Variants in ABI3BP observed in about 807,000 individuals in gnomAD.
ABI3BP encodes target of Nesh-SH3.
In ABI3BP, 216 loss-of-function variants were observed where a neutral mutation model predicts 268.6. The observed-to-expected ratio is 0.80, with a 90% CI of 0.72 to 0.90. The LOEUF is 0.90. Ranked by LOEUF, ABI3BP falls within the 40% of genes least tolerant of loss-of-function variation. The pLI is 0.00. For missense variants in ABI3BP, 2,090 were observed against 2,182.4 expected, an observed-to-expected ratio of 0.96 and a Z score of 0.84; for synonymous variants, 730 against 730.0, an observed-to-expected ratio of 1.00 and a Z score of 0.00.
chr3:100,856,697 G>A (rs2098943832), intron 14 of ABI3BP, among the ~76,000 whole-genome samples: 1 of 152,082 alleles, frequency 6.6e-6, no homozygotes, highest in Non-Finnish European at 1.5e-5. Context: ...GTCTTTTAAG[G>A]TTACAATTAA....
chr3:100,938,941 G>GTGTGCATGCACATGTGCC (rs1320943327), intron 1 of ABI3BP, among the ~76,000 whole-genome samples: 1 of 152,106 alleles, frequency 6.6e-6, no homozygotes, highest in Non-Finnish European at 1.5e-5. Context: ...GGGCATGTGT[G>GTGTGCATGCACATGTGCC]TGTGCATGCA....
chr3:100,805,904 A>G (rs1018966163), intron 50 of ABI3BP, among the ~76,000 whole-genome samples: 28 of 152,018 alleles, frequency 1.8e-4, no homozygotes, highest in African/African-American at 6.3e-4. Context: ...AGCTTCACAA[A>G]TTTGGTTTTG....
intron 21 of ABI3BP, among the ~76,000 whole-genome samples, chr3:100,841,204 T>TTTTTTTTTTTG (rs1560679967): frequency 1.6e-5 from 2 of 124,690 alleles, no homozygotes; most frequent in African/African-American, 3.0e-5. Flanking sequence ...CTTTTTTTTT[T>TTTTTTTTTTTG]TTTTTTTTTT....
In ABI3BP at chr3:100,792,673, G is replaced by A; in HGVS notation, c.4024+18C>T. ...AAATAAGGAAAAGTTATTCTCCAGA[G>A]GTAGGGGAGAGGATTACCCTGAGTT... On this transcript the variant is annotated intron_variant, in intron 55 of 67. Transcript: ENST00000471714. The A allele has an allele frequency of 6.2e-7, 1 of 1,605,710 alleles. No homozygotes were observed. The highest frequency in any genetic ancestry group is 8.5e-7 in the Non-Finnish European group (1 of 1,173,356).
At chr3:100,989,353 T>C (rs1231282660) in intron 1 of ABI3BP, among the ~76,000 whole-genome samples, 2 of 152,230 alleles carry the variant, frequency 1.3e-5, no homozygotes, top group African/African-American at 4.8e-5. Flanking sequence ...CATTAAAATA[T>C]GAAGCACTAA....
intron 63 of ABI3BP, among the ~76,000 whole-genome samples, chr3:100,756,776 G>GTT (rs66981610): frequency 0.024 from 3,097 of 130,532 alleles, 54 homozygotes; most frequent in Admixed American, 0.049. Context: ...TACTTTTTGG[G>GTT]TTTTTTTTTT....
intron 40 of ABI3BP, among the ~76,000 whole-genome samples, chr3:100,819,986 A>G (rs2098169454): frequency 1.3e-5 from 2 of 151,956 alleles, no homozygotes; most frequent in Non-Finnish European, 2.9e-5. Flanking sequence ...ATTAGTAAAT[A>G]AGATACACAG....
chr3:100,840,279 T>G, intron 22 of ABI3BP, 115 bp from the exon 23 acceptor site: 1 of 803,424 alleles, frequency 1.2e-6, no homozygotes, highest in Non-Finnish European at 1.9e-6. Flanking sequence ...GTGGACATGT[T>G]TCCATCTGTT....
At chr3:100,822,522 G>C in intron 38 of ABI3BP, 67 bp downstream of exon 38, 1 of 1,418,324 alleles carries the variant, frequency 7.1e-7, no homozygotes, top group Non-Finnish European at 9.6e-7. Flanking sequence ...CCAACCACTG[G>C]GATTACTCTT....
intron 62 of ABI3BP, among the ~76,000 whole-genome samples, chr3:100,769,355 A>C (rs1490173651): frequency 6.6e-6 from 1 of 152,238 alleles, no homozygotes; most frequent in Non-Finnish European, 1.5e-5. Context: ...ATTTAGTAAC[A>C]GCATTACAAA....
At chr3:100,769,107 A>C (rs964281488) in intron 62 of ABI3BP, among the ~76,000 whole-genome samples, 1 of 152,250 alleles carries the variant, frequency 6.6e-6, no homozygotes, top group Non-Finnish European at 1.5e-5. Context: ...CTGGTTTGTA[A>C]ACAATCGCTT....
chr3:100,849,096 A>G (rs1419979968), intron 17 of ABI3BP, among the ~76,000 whole-genome samples: 2 of 148,036 alleles, frequency 1.4e-5, no homozygotes, highest in South Asian at 2.2e-4. Flanking sequence ...GAAGATATAC[A>G]TTGTTCAATT....
chr3:100,811,333 AT>A lies in ABI3BP; in HGVS notation c.3494-57del, dbSNP rs571231487. 6.2e-3 allele frequency: 7,715 copies of A among 1,240,040 alleles called. 44 individuals are homozygous for A. The highest frequency in any genetic ancestry group is 7.2e-3 in the Non-Finnish European group (6,486 of 899,150). The allele number at this position is 1,240,040 out of a possible 1,614,324, so 76.8% of individuals were successfully genotyped here. A position where few individuals can be genotyped will look rare whatever the true frequency, so the allele number is the denominator to read the frequency against. On this transcript the variant is annotated intron_variant, in intron 47 of 67. Transcript: ENST00000471714. The stretch of plus-strand genomic sequence containing the variant: ...AAACTGTAAGATATTAAGCTATAGC[AT>A]TTTTTTGAATATCAAATTTTATTAA...
At chr3:100,840,738 T>G in intron 22 of ABI3BP, 82 bp downstream of exon 22, 1 of 1,245,230 alleles carries the variant, frequency 8.0e-7, no homozygotes. Context: ...AATGTATTAA[T>G]TCATTAATGT....
intron 2 of ABI3BP, chr3:100,911,166 C>A (rs1248132525): frequency 5.1e-6 from 2 of 394,304 alleles, no homozygotes; most frequent in South Asian, 2.8e-5. Context: ...TATGCTTAAT[C>A]ATTTGTGGTC....
intron 1 of ABI3BP, among the ~76,000 whole-genome samples, chr3:100,990,521 C>A (rs1011917729): frequency 6.7e-6 from 1 of 150,196 alleles, no homozygotes; most frequent in Non-Finnish European, 1.5e-5. Context: ...TGCAAATAGG[C>A]ACACCACATA....
intron 2 of ABI3BP, among the ~76,000 whole-genome samples, chr3:100,923,245 C>G (rs943946134): frequency 6.6e-6 from 1 of 152,178 alleles, no homozygotes; most frequent in African/African-American, 2.4e-5. Flanking sequence ...TAGCTACTTT[C>G]CTGATGACAG....
At chr3:100,987,589 T>A (rs2092139781) in intron 1 of ABI3BP, among the ~76,000 whole-genome samples, 1 of 152,242 alleles carries the variant, frequency 6.6e-6, no homozygotes, top group Non-Finnish European at 1.5e-5. Flanking sequence ...GCAGGGGCTG[T>A]ATCTCATTCA....
intron 20 of ABI3BP, chr3:100,844,332 C>T (rs927517068): frequency 1.0e-6 from 1 of 985,266 alleles, no homozygotes; most frequent in Admixed American, 6.2e-5. Flanking sequence ...GAAACAATTC[C>T]CACTGGACGA....
Sources: allele counts gnomAD v4.1 joint callset (sites outside exome capture counted in the v4.1 genomes callset), GRCh38; gene constraint gnomAD v4.1.1; transcripts MANE v1.5; gene names NCBI Gene and HGNC (gene_info 2026-07-23, HGNC 2026-07-21).